The following RCBTB2 variants were observed in gnomAD, a reference collection of about 807,000 sequenced individuals.
The protein encoded by RCBTB2 is RCC1 and BTB domain-containing protein 2.
RCBTB2 carries 55 observed loss-of-function variants against 65.4 expected under a neutral mutation model. That is an observed-to-expected ratio of 0.84 (90% CI 0.68 to 1.05). The LOEUF (loss-of-function observed/expected upper bound fraction) is 1.05. RCBTB2 is among the 50% of genes least tolerant of loss of function. RCBTB2 has a pLI of 0.00. For synonymous variants in RCBTB2, 220 were observed against 255.2 expected, an observed-to-expected ratio of 0.86 and a Z score of 1.31; for missense variants, 599 against 680.1, an observed-to-expected ratio of 0.88 and a Z score of 1.33.
chr13:48,522,430 GA>G, intron 2 of RCBTB2, 27 bp from the exon 3 acceptor site: 1 of 979,934 alleles, frequency 1.0e-6, no homozygotes, highest in Non-Finnish European at 1.5e-6. Flanking sequence ...AGAAATGAAT[GA>G]AAATGATGAA....
chr13:48,505,598 G>A (rs1368883200), intron 10 of RCBTB2, among the ~76,000 whole-genome samples: 2 of 152,186 alleles, frequency 1.3e-5, no homozygotes, highest in Non-Finnish European at 2.9e-5. Context: ...TGTTAGTATC[G>A]ATTTTACTGG....
chr13:48,508,895 G>A lies in RCBTB2; in HGVS notation c.926+1734C>T, dbSNP rs1950638829. Among the ~76,000 whole-genome samples the A allele has an allele frequency of 2.6e-5, 4 of 152,256 alleles. No homozygotes were observed. In the South Asian group the frequency reaches 8.3e-4, roughly 32 times the overall value. ...AATCCATCTGCCCCAGTGAGAACCTGAATCAGAAGCCTTGGGTGATCATTC... is the reference window on the plus strand; with the variant it reads ...AATCCATCTGCCCCAGTGAGAACCTAAATCAGAAGCCTTGGGTGATCATTC... On this transcript the variant is annotated intron_variant, in intron 10 of 14. Coordinates refer to ENST00000344532, the MANE Select transcript of RCBTB2 (RefSeq NM_001268.4).
intron 4 of RCBTB2, among the ~76,000 whole-genome samples, chr13:48,517,929 C>G (rs943283): frequency 0.45 from 68,346 of 151,940 alleles, 20,043 homozygotes; most frequent in African/African-American, 0.85. Flanking sequence ...AATGACTAGT[C>G]TCCTTAAAAG....
At chr13:48,493,541 G>C (rs1251490197) in intron 14 of RCBTB2, among the ~76,000 whole-genome samples, 1 of 151,450 alleles carries the variant, frequency 6.6e-6, no homozygotes, top group Non-Finnish European at 1.5e-5. Flanking sequence ...TCCCACACAC[G>C]CCACTGTGCA....
At chr13:48,535,204 A>G (rs1469199250), upstream of RCBTB2, among the ~76,000 whole-genome samples, 2 of 152,018 alleles carry the variant, frequency 1.3e-5, no homozygotes, top group African/African-American at 4.8e-5. Context: ...AAATGTCTTA[A>G]AAGAGTCACT....
At chr13:48,520,976 C>T (rs9331970) in intron 4 of RCBTB2, among the ~76,000 whole-genome samples, 3,089 of 151,972 alleles carry the variant, frequency 0.02, 109 homozygotes, top group African/African-American at 0.071. Context: ...CATATTCATT[C>T]ATTATAACAC....
intron 4 of RCBTB2, among the ~76,000 whole-genome samples, chr13:48,519,674 A>C (rs2138596504): frequency 6.6e-6 from 1 of 152,334 alleles, no homozygotes; most frequent in Middle Eastern, 3.4e-3. Flanking sequence ...CATTCTCTTC[A>C]AGGAGGTCAC....
At chr13:48,533,178 A>C (rs1593856212), upstream of RCBTB2, 1 of 369,840 alleles carries the variant, frequency 2.7e-6, no homozygotes, top group Non-Finnish European at 5.4e-6. Flanking sequence ...GACGGAAACG[A>C]AGGGAGCGCA....
intron 4 of RCBTB2, 96 bp from the exon 5 acceptor site, chr13:48,515,837 G>A (rs779972152): frequency 3.2e-6 from 4 of 1,258,486 alleles, no homozygotes; most frequent in Non-Finnish European, 4.4e-6. Context: ...CTGGTTTTGG[G>A]AGGAACACAC....
intron 1 of RCBTB2, among the ~76,000 whole-genome samples, chr13:48,529,257 A>C (rs895715275): frequency 3.3e-5 from 5 of 152,322 alleles, no homozygotes; most frequent in African/African-American, 1.2e-4. Context: ...TTTTTCAAAA[A>C]AAAATCTTAA....
chr13:48,492,205 T>C (rs995562733), intron 14 of RCBTB2, among the ~76,000 whole-genome samples: 3 of 152,046 alleles, frequency 2.0e-5, no homozygotes, highest in African/African-American at 7.2e-5. Context: ...CCCCACCACG[T>C]CTCCTTGCCT....
At chr13:48,510,913 A>C in intron 9 of RCBTB2, 142 bp from the exon 10 acceptor site, 1 of 805,712 alleles carries the variant, frequency 1.2e-6, no homozygotes, top group Non-Finnish European at 1.9e-6. Context: ...GTTAACCAAC[A>C]TCCTTCCAGA....
rs796999912 is a variant in RCBTB2, at chr13:48,489,836, T to C, written c.*275A>G. 1 of 432,026 alleles carries C rather than the reference T, an allele frequency of 2.3e-6. No homozygotes were observed. Among genetic ancestry groups the C allele is most frequent in the African/African-American group, 2.0e-5 (1 of 49,900 alleles). 26.8% of individuals were successfully genotyped at this position (432,026 alleles called of 1,614,324 possible). A position where few individuals can be genotyped will look rare whatever the true frequency, so the allele number is the denominator to read the frequency against. ...TACTGAGACCAGGGTACCAAAGGTG[T>C]CCAATTTAAGTGACTCAAAAAGAGG... is the stretch of plus-strand genomic sequence containing the variant. On this transcript the variant is annotated 3_prime_UTR_variant, in exon 15 of 15. Transcript: ENST00000344532.
At chr13:48,517,398 C>T (rs954983159) in intron 4 of RCBTB2, among the ~76,000 whole-genome samples, 7 of 152,162 alleles carry the variant, frequency 4.6e-5, no homozygotes, top group East Asian at 1.9e-4. Flanking sequence ...GAAGCCATTC[C>T]GAAAACTGGG....
chr13:48,533,383 C>T (rs776479478), upstream of RCBTB2: 7 of 250,052 alleles, frequency 2.8e-5, no homozygotes, highest in Admixed American at 5.4e-5. Flanking sequence ...GTTATGTTCT[C>T]GCAAATTTTG....
At position 48,490,095 on chromosome 13, in the gene RCBTB2, T is replaced by C. The variant is rs756720227; in HGVS notation, c.*16A>G. ...AGGGGAAATGGAAAGGCTCAAAAAC[T>C]TTCCTGCAGATGGGATCAATTTTTA... On this transcript the variant is annotated 3_prime_UTR_variant, in exon 15 of 15. Transcript: ENST00000344532. The C allele has an allele frequency of 1.5e-5, 24 of 1,613,756 alleles. No homozygotes were observed. The highest frequency in any genetic ancestry group is 2.2e-5 in the East Asian group (1 of 44,854).
At chr13:48,522,071 G>T in intron 3 of RCBTB2, 109 bp from the exon 4 acceptor site, 2 of 960,180 alleles carry the variant, frequency 2.1e-6, no homozygotes, top group Non-Finnish European at 1.6e-6. Context: ...AAGCTCAAAT[G>T]TTGTGAAAGG....
At chr13:48,517,729 A>C (rs973544290) in intron 4 of RCBTB2, among the ~76,000 whole-genome samples, 7 of 152,242 alleles carry the variant, frequency 4.6e-5, no homozygotes, top group African/African-American at 1.7e-4. Flanking sequence ...GTAGCTAAAA[A>C]GAGCTCAAAA....
chr13:48,501,917 A>G, intron 11 of RCBTB2, 49 bp from the exon 12 acceptor site: 1 of 1,577,142 alleles, frequency 6.3e-7, no homozygotes, highest in African/African-American at 1.4e-5. Flanking sequence ...GACATAATGA[A>G]CACACAGGAC....
Sources: gnomAD v4.1 joint callset for allele counts (sites outside exome capture counted in the v4.1 genomes callset) on GRCh38, gnomAD v4.1.1 for gene constraint, MANE v1.5 for transcripts, NCBI Gene and HGNC (gene_info 2026-07-23, HGNC 2026-07-21) for gene names.